The following RPA3 variants were observed in gnomAD, a reference collection of about 807,000 sequenced individuals.
RPA3 encodes replication protein A 14 kDa subunit.
A neutral mutation model predicts 13.7 loss-of-function variants in RPA3; 24 were observed. That is an observed-to-expected ratio of 1.75 (90% CI 1.27 to 2.46). RPA3 has a LOEUF of 2.46. Among genes scored for constraint, RPA3 ranks in the 30% most tolerant of loss-of-function variants. RPA3 has a pLI of 0.00. For synonymous variants in RPA3, 59 were observed against 51.2 expected (o/e 1.15, Z -0.65); for missense variants, 183 against 151.0 (o/e 1.21, Z -1.11).
intron 4 of RPA3, among the ~76,000 whole-genome samples, chr7:7,679,834 G>A (rs1779864163): frequency 6.6e-6 from 1 of 150,960 alleles, no homozygotes; most frequent in Admixed American, 6.6e-5. Flanking sequence ...CAAAGTGCTG[G>A]GATTACAGGC....
chr7:7,649,192 A>G (rs1016511125), intron 4 of RPA3, among the ~76,000 whole-genome samples: 6 of 151,804 alleles, frequency 4.0e-5, no homozygotes, highest in Non-Finnish European at 4.4e-5. Context: ...AAAGAAAAGA[A>G]TAAAAAAGGA....
At chr7:7,646,962 A>C (rs1365746087) in intron 4 of RPA3, among the ~76,000 whole-genome samples, 1 of 152,190 alleles carries the variant, frequency 6.6e-6, no homozygotes, top group Non-Finnish European at 1.5e-5. Context: ...TCCAGGCTTA[A>C]GGGTGGAGCC....
At chr7:7,685,002 C>T (rs1422797105) in intron 4 of RPA3, among the ~76,000 whole-genome samples, 1 of 152,182 alleles carries the variant, frequency 6.6e-6, no homozygotes, top group East Asian at 1.9e-4. Flanking sequence ...TGTAACTTCA[C>T]ATTTTGTCAG....
chr7:7,705,073 T>G (rs1392105707), intron 2 of RPA3, among the ~76,000 whole-genome samples: 1 of 152,168 alleles, frequency 6.6e-6, no homozygotes, highest in Non-Finnish European at 1.5e-5. Flanking sequence ...CTGGCATTGT[T>G]ATTATTCTGA....
intron 2 of RPA3, among the ~76,000 whole-genome samples, chr7:7,712,845 T>C (rs1178041276): frequency 6.6e-6 from 1 of 152,212 alleles, no homozygotes; most frequent in African/African-American, 2.4e-5. Context: ...TAAAGGCTTA[T>C]TGTAGAAACA....
intron 2 of RPA3, among the ~76,000 whole-genome samples, chr7:7,710,915 C>T (rs140570542): frequency 1.3e-3 from 191 of 152,242 alleles, no homozygotes; most frequent in African/African-American, 4.5e-3. Context: ...GAGAATTATG[C>T]TGAGTGAAAA....
intron 4 of RPA3, among the ~76,000 whole-genome samples, chr7:7,663,709 A>G (rs34302387): frequency 0.18 from 27,346 of 152,212 alleles, 2,661 homozygotes; most frequent in Middle Eastern, 0.23. Flanking sequence ...ACACACTGAT[A>G]GGCAAATAAG....
intron 4 of RPA3, among the ~76,000 whole-genome samples, chr7:7,678,491 A>G (rs1382842086): frequency 7.1e-6 from 1 of 140,926 alleles, no homozygotes; most frequent in African/African-American, 2.6e-5. Context: ...TTTATAGATA[A>G]TATATATTTA....
intron 3 of RPA3, among the ~76,000 whole-genome samples, chr7:7,686,430 C>G (rs1780042839): frequency 6.6e-6 from 1 of 151,974 alleles, no homozygotes; most frequent in Admixed American, 6.6e-5. Context: ...TATTTTTTAT[C>G]AGAAATTTAT....
intron 4 of RPA3, among the ~76,000 whole-genome samples, chr7:7,650,477 GA>G (rs2081260763): frequency 6.6e-6 from 1 of 152,094 alleles, no homozygotes; most frequent in South Asian, 2.1e-4. Context: ...TTTAAATTGT[GA>G]TTTTGCTGTA....
At chr7:7,648,568 T>C (rs1277212036) in intron 4 of RPA3, among the ~76,000 whole-genome samples, 1 of 152,114 alleles carries the variant, frequency 6.6e-6, no homozygotes, top group East Asian at 1.9e-4. Context: ...GAAAATAAAA[T>C]TGGCAGGGGA....
chr7:7,638,931 T>C, intron 6 of RPA3, 139 bp downstream of exon 6: 3 of 539,242 alleles, frequency 5.6e-6, no homozygotes, highest in Non-Finnish European at 9.6e-6. Flanking sequence ...AGTACAAGAA[T>C]TAAATTTTAC....
rs548904523 is a variant in RPA3 at position 7,671,805 on chromosome 7, A to G, written c.-758+14025T>C. Reference sequence around the variant, plus strand: ...TATAGAGAGTGCCAAACTGTTTTCAAACTTTTCTTTTGTATCTATTACTAT... The same window carrying G: ...TATAGAGAGTGCCAAACTGTTTTCAGACTTTTCTTTTGTATCTATTACTAT... On this transcript the variant is annotated intron_variant, in intron 4 of 7. Coordinates refer to ENST00000223129, the MANE Select transcript of RPA3 (RefSeq NM_002947.5). Among the ~76,000 whole-genome samples the G allele has an allele frequency of 6.6e-5, 10 of 152,122 alleles. No individual in the cohort carries two copies. In the South Asian group the frequency reaches 1.9e-3, roughly 28 times the overall value.
intron 2 of RPA3, among the ~76,000 whole-genome samples, chr7:7,689,180 C>G (rs142391553): frequency 6.6e-6 from 1 of 152,098 alleles, no homozygotes; most frequent in African/African-American, 2.4e-5. Flanking sequence ...GGAATGGGCA[C>G]CCATCACATT....
chr7:7,702,388 A>G (rs1370753015), intron 2 of RPA3, among the ~76,000 whole-genome samples: 2 of 152,098 alleles, frequency 1.3e-5, no homozygotes, highest in Non-Finnish European at 2.9e-5. Flanking sequence ...ATTATCTCTT[A>G]TTTTTTAAAT....
chr7:7,638,613 C>T (rs907451509), intron 6 of RPA3: 1 of 153,852 alleles, frequency 6.5e-6, no homozygotes, highest in African/African-American at 2.4e-5. Flanking sequence ...TGCCTGTAGT[C>T]CCAGCTACTG....
rs1285963446 is a variant in RPA3, at chr7:7,640,572, C to G, written c.-154G>C. The G allele has an allele frequency of 1.2e-5, 8 of 675,422 alleles. No individual in the cohort carries two copies. The highest frequency in any genetic ancestry group is 1.7e-5 in the South Asian group (1 of 58,096). 41.8% of individuals were successfully genotyped at this position (675,422 alleles called of 1,614,324 possible). ...AATGCGCGGAAACCTAAATCGCAAT[C>G]GCGCTGTCTCTGAAAGGGGTGGAGA... On this transcript the variant is annotated 5_prime_UTR_variant, in exon 5 of 8. Transcript: ENST00000223129.
At chr7:7,706,118 A>G (rs1780592946) in intron 2 of RPA3, among the ~76,000 whole-genome samples, 1 of 152,212 alleles carries the variant, frequency 6.6e-6, no homozygotes, top group Non-Finnish European at 1.5e-5. Context: ...GGATGCTACA[A>G]AGAAAGTAGA....
At chr7:7,688,214 T>C (rs1485960154) in intron 2 of RPA3, among the ~76,000 whole-genome samples, 3 of 152,202 alleles carry the variant, frequency 2.0e-5, no homozygotes, top group East Asian at 3.8e-4. Context: ...AGAATTACTT[T>C]TTTAGATGTT....
Sources: gnomAD v4.1 joint callset for allele counts (sites outside exome capture counted in the v4.1 genomes callset) on GRCh38, gnomAD v4.1.1 for gene constraint, MANE v1.5 for transcripts, NCBI Gene and HGNC (gene_info 2026-07-23, HGNC 2026-07-21) for gene names.